ABCB10: variants seen among roughly 807,000 people sequenced by gnomAD.
The protein encoded by ABCB10 is ATP binding cassette subfamily B member 10.
ABCB10 carries 54 observed loss-of-function variants against 65.4 expected under a neutral mutation model. The ratio of observed to expected loss-of-function variants is 0.83; its 90% CI spans 0.66 to 1.04. The LOEUF (loss-of-function observed/expected upper bound fraction) is 1.04, where lower values mean the gene tolerates loss of function less well. ABCB10 is among the 50% of genes least tolerant of loss of function. The pLI is 0.00. For synonymous variants in ABCB10, 418 were observed against 406.5 expected, an observed-to-expected ratio of 1.03 and a Z score of -0.34; for missense variants, 846 against 976.6, an observed-to-expected ratio of 0.87 and a Z score of 1.78.
chr1:229,528,605 T>A (rs1232430084), intron 8 of ABCB10, among the ~76,000 whole-genome samples: 3 of 152,222 alleles, frequency 2.0e-5, no homozygotes, highest in Non-Finnish European at 4.4e-5. Flanking sequence ...GTCACATATT[T>A]ATCTGACATG....
chr1:229,519,365 A>G (rs934782699), intron 11 of ABCB10, among the ~76,000 whole-genome samples: 1 of 152,232 alleles, frequency 6.6e-6, no homozygotes, highest in African/African-American at 2.4e-5. Context: ...ATTTTAAATG[A>G]TCATCAGAGT....
chr1:229,534,531 G>A (rs967314710), intron 6 of ABCB10, among the ~76,000 whole-genome samples: 26 of 151,858 alleles, frequency 1.7e-4, no homozygotes, highest in African/African-American at 6.0e-4. Flanking sequence ...TTCAAGACCA[G>A]CCTGGCCAAC....
chr1:229,551,789 G>A (rs1313086597), intron 1 of ABCB10, among the ~76,000 whole-genome samples: 1 of 152,196 alleles, frequency 6.6e-6, no homozygotes, highest in Non-Finnish European at 1.5e-5. Context: ...TCGATGAACT[G>A]GCAGCTCCAG....
chr1:229,553,996 C>T (rs1487112220), intron 1 of ABCB10, among the ~76,000 whole-genome samples: 1 of 152,184 alleles, frequency 6.6e-6, no homozygotes, highest in African/African-American at 2.4e-5. Flanking sequence ...AAGAACAACC[C>T]ATGTCTCTGG....
Position 229,558,269 on chromosome 1 carries a change from T to C in ABCB10, c.384A>G (p.Ala128=), listed in dbSNP as rs1663312131. Residue 128 remains alanine (A), a synonymous_variant, in exon 1 of 13, where the codon GCA becomes GCG. Transcript: ENST00000344517. ...FPGGPAAAAW[A]GDEAWRRGPA... ...GCCCGCGCCGCCAGGCCTCGTCCCC[T>C]GCCCAGGCAGCGGCTGCGGGACCGC... The C allele has an allele frequency of 3.9e-6, 5 of 1,269,138 alleles. No individual in the cohort carries two copies. Among genetic ancestry groups the C allele is most frequent in the Non-Finnish European group, 4.9e-6 (5 of 1,011,150 alleles). The allele number at this position is 1,269,138 out of a possible 1,614,324, so 78.6% of individuals were successfully genotyped here. A position where few individuals can be genotyped will look rare whatever the true frequency, so the allele number is the denominator to read the frequency against.
At chr1:229,550,378 T>C (rs1456629617) in intron 1 of ABCB10, among the ~76,000 whole-genome samples, 1 of 151,084 alleles carries the variant, frequency 6.6e-6, no homozygotes, top group East Asian at 2.0e-4. Flanking sequence ...ATACAGAAAC[T>C]AGCCAGGGTG....
intron 3 of ABCB10, among the ~76,000 whole-genome samples, chr1:229,545,578 CTATT>C (rs1197322652): frequency 6.6e-6 from 1 of 152,118 alleles, no homozygotes; most frequent in Non-Finnish European, 1.5e-5. Context: ...TATTGGCAAA[CTATT>C]AAGTATGTCT....
rs1169204050 is a variant in ABCB10 at position 229,530,398 on chromosome 1, G to C, written c.1446C>G (p.Ile482Met). The C allele has an allele frequency of 6.2e-7, 1 of 1,613,992 alleles. No individual in the cohort carries two copies. The highest frequency in any genetic ancestry group is 1.3e-5 in the African/African-American group (1 of 74,900). Residue 482 changes from isoleucine (I) to methionine (M), a missense_variant, in exon 8 of 13, where the codon ATC becomes ATG. By Grantham distance (10) the Ile-to-Met change is conservative. Transcript: ENST00000344517. ...EPKLPFNEGV[I>M]LNEKSFQGAL... ...CACCCTGGAAGCTTTTCTCATTTAA[G>C]ATGACCCCCTCTGAAACATAAAATG...
intron 5 of ABCB10, among the ~76,000 whole-genome samples, chr1:229,540,268 T>C (rs1662812753): frequency 6.6e-6 from 1 of 152,226 alleles, no homozygotes; most frequent in Non-Finnish European, 1.5e-5. Context: ...GAAGGCCTGT[T>C]AAACAGATTG....
intron 1 of ABCB10, 103 bp downstream of exon 1, chr1:229,558,033 G>A: frequency 1.0e-5 from 12 of 1,197,986 alleles, no homozygotes; most frequent in Non-Finnish European, 1.3e-5. Flanking sequence ...AGGCGGCGGT[G>A]ACACGCGCTC....
intron 6 of ABCB10, among the ~76,000 whole-genome samples, chr1:229,538,054 C>A (rs1662761869): frequency 6.6e-6 from 1 of 152,194 alleles, no homozygotes; most frequent in South Asian, 2.1e-4. Context: ...GAGTTGTGGG[C>A]TAGCCTGTGG....
chr1:229,543,740 T>C (rs1487723372), intron 3 of ABCB10, among the ~76,000 whole-genome samples: 1 of 152,112 alleles, frequency 6.6e-6, no homozygotes, highest in African/African-American at 2.4e-5. Flanking sequence ...GGAAGAGCCA[T>C]TGCATAAAGG....
At chr1:229,530,815 G>C (rs1333931955) in intron 7 of ABCB10, among the ~76,000 whole-genome samples, 1 of 151,644 alleles carries the variant, frequency 6.6e-6, no homozygotes. Flanking sequence ...TAGCTCCAGA[G>C]TTTATCTTAC....
chr1:229,547,423 C>G, intron 3 of ABCB10, 76 bp downstream of exon 3: 1 of 1,539,724 alleles, frequency 6.5e-7, no homozygotes, highest in Admixed American at 1.8e-5. Context: ...TCAGCTTGAG[C>G]TCGTCTCACA....
At chr1:229,557,969 T>C (rs982700577) in intron 1 of ABCB10, among the ~76,000 whole-genome samples, 167 bp downstream of exon 1, 1 of 152,216 alleles carries the variant, frequency 6.6e-6, no homozygotes, top group African/African-American at 2.4e-5. Context: ...TTGACAACGC[T>C]ACTCTGAGGT....
intron 1 of ABCB10, among the ~76,000 whole-genome samples, chr1:229,552,338 A>C (rs758274179): frequency 1.3e-5 from 2 of 152,172 alleles, no homozygotes; most frequent in African/African-American, 2.4e-5. Flanking sequence ...CCCTGGACAC[A>C]ACTGAGCATA....
At chr1:229,537,219 A>G (rs915198067) in intron 6 of ABCB10, among the ~76,000 whole-genome samples, 1 of 152,200 alleles carries the variant, frequency 6.6e-6, no homozygotes, top group Non-Finnish European at 1.5e-5. Context: ...AACTAGATGG[A>G]GGTAGTGGTT....
chr1:229,551,308 A>C (rs1237959498), intron 1 of ABCB10, among the ~76,000 whole-genome samples: 1 of 151,232 alleles, frequency 6.6e-6, no homozygotes, highest in Admixed American at 6.6e-5. Context: ...TACCCACCTC[A>C]CTCCCTCTCC....
intron 11 of ABCB10, among the ~76,000 whole-genome samples, chr1:229,519,803 T>G (rs28720691): frequency 7.0e-5 from 10 of 142,434 alleles, no homozygotes; most frequent in Admixed American, 2.2e-4. Flanking sequence ...AATAAATAAA[T>G]AAAGTAAGTA....
Sources: gnomAD v4.1 joint callset for allele counts (sites outside exome capture counted in the v4.1 genomes callset) on GRCh38, gnomAD v4.1.1 for gene constraint, MANE v1.5 for transcripts, NCBI Gene and HGNC (gene_info 2026-07-23, HGNC 2026-07-21) for gene names.